Variants in SDK1 observed in about 807,000 individuals in gnomAD.
The protein encoded by SDK1 is sidekick cell adhesion molecule 1, also known as protein sidekick-1.
Under a neutral mutation model 245.5 loss-of-function variants are expected in SDK1, and 157 were observed. The ratio of observed to expected loss-of-function variants is 0.64; its 90% CI spans 0.56 to 0.73. The LOEUF is 0.73. SDK1 is among the 30% of genes least tolerant of loss of function. SDK1 has a pLI of 0.00. For synonymous variants in SDK1, 1,647 were observed against 1,278.5 expected (o/e 1.29, Z -6.15); for missense variants, 3,583 against 3,002.3 (o/e 1.19, Z -4.52).
At chr7:4,148,772 G>A (rs1309362446) in intron 29 of SDK1, among the ~76,000 whole-genome samples, 1 of 152,204 alleles carries the variant, frequency 6.6e-6, no homozygotes, top group African/African-American at 2.4e-5. Flanking sequence ...TAAGATAGCT[G>A]CTCAGCTGGG....
chr7:3,756,958 C>G (rs540741788), intron 4 of SDK1, among the ~76,000 whole-genome samples: 70 of 152,272 alleles, frequency 4.6e-4, no homozygotes, highest in African/African-American at 1.6e-3. Flanking sequence ...GGGTTTTCCA[C>G]TATAAAGTTA....
intron 1 of SDK1, among the ~76,000 whole-genome samples, chr7:3,536,953 A>G (rs575374419): frequency 9.8e-5 from 15 of 152,318 alleles, no homozygotes; most frequent in South Asian, 2.1e-4. Flanking sequence ...ATCACACATC[A>G]TTAAAAATAT....
chr7:3,991,617 C>T (rs1190261206), intron 14 of SDK1, among the ~76,000 whole-genome samples: 1 of 152,162 alleles, frequency 6.6e-6, no homozygotes, highest in East Asian at 1.9e-4. Context: ...ACGTCAGTCA[C>T]CCATATTAGC....
chr7:3,746,758 A>G (rs1261505584), intron 4 of SDK1, among the ~76,000 whole-genome samples: 3 of 152,186 alleles, frequency 2.0e-5, no homozygotes, highest in African/African-American at 4.8e-5. Flanking sequence ...TGCCGTTTCT[A>G]CCACATCTGC....
At chr7:3,621,464 C>A (rs978423306) in intron 2 of SDK1, among the ~76,000 whole-genome samples, 1 of 152,154 alleles carries the variant, frequency 6.6e-6, no homozygotes, top group Non-Finnish European at 1.5e-5. Context: ...TTTCAAAGAA[C>A]CCAGATTGTT....
intron 35 of SDK1, among the ~76,000 whole-genome samples, chr7:4,186,399 C>G (rs542673999): frequency 6.6e-6 from 1 of 152,208 alleles, no homozygotes; most frequent in African/African-American, 2.4e-5. Flanking sequence ...TCCCCAGGGT[C>G]GCTCTTTAGC....
intron 1 of SDK1, among the ~76,000 whole-genome samples, chr7:3,420,435 T>C (rs1453694590): frequency 1.3e-5 from 2 of 152,212 alleles, no homozygotes; most frequent in African/African-American, 4.8e-5. Flanking sequence ...AATAATCATT[T>C]TACTGTATAT....
intron 13 of SDK1, among the ~76,000 whole-genome samples, chr7:3,978,799 T>G (rs1291873794): frequency 6.6e-6 from 1 of 152,010 alleles, no homozygotes; most frequent in Non-Finnish European, 1.5e-5. Context: ...GACTGAGAGG[T>G]GCTTATGACT....
intron 5 of SDK1, among the ~76,000 whole-genome samples, chr7:3,857,685 T>TG (rs1376647242): frequency 1.8e-5 from 2 of 114,004 alleles, no homozygotes; most frequent in African/African-American, 5.9e-5. Flanking sequence ...AGACCCTGTC[T>TG]CAAAAAAAAA....
chr7:3,417,140 C>G (rs1455029455), intron 1 of SDK1, among the ~76,000 whole-genome samples: 2 of 152,206 alleles, frequency 1.3e-5, no homozygotes, highest in Non-Finnish European at 2.9e-5. Flanking sequence ...CGCCACTGCA[C>G]TCAAGCCTGG....
intron 40 of SDK1, among the ~76,000 whole-genome samples, chr7:4,232,392 C>CTTTTTTTT (rs1178308855): frequency 1.2e-5 from 1 of 81,786 alleles, no homozygotes; most frequent in Non-Finnish European, 2.6e-5. Context: ...TTCTTTTTTT[C>CTTTTTTTT]TTTTCTTTTC....
intron 1 of SDK1, among the ~76,000 whole-genome samples, chr7:3,377,053 C>T (rs1365336248): frequency 1.3e-5 from 2 of 152,112 alleles, no homozygotes; most frequent in Non-Finnish European, 2.9e-5. Flanking sequence ...AGCCCTGCTT[C>T]GAAAAGTTTA....
Position 3,872,247 on chromosome 7 carries a change from C to G in SDK1, c.847+50664C>G, listed in dbSNP as rs370758960. Among the ~76,000 whole-genome samples the G allele has an allele frequency of 2.3e-3, 343 of 152,172 alleles. 6 individuals are homozygous for G. In the South Asian group the frequency reaches 0.029, roughly 13 times the overall value. The stretch of plus-strand genomic sequence containing the variant: ...TTCTCTATTCATGAGAGTTATTCAT[C>G]CATAGTTACGTTTGCTTGTGATGTG... On this transcript the variant is annotated intron_variant, in intron 5 of 44. Transcript: ENST00000404826.
chr7:3,865,709 C>A (rs1204813111), intron 5 of SDK1, among the ~76,000 whole-genome samples: 1 of 150,402 alleles, frequency 6.6e-6, no homozygotes, highest in Non-Finnish European at 1.5e-5. Flanking sequence ...GAAATGAGGT[C>A]TCACTGTGTT....
chr7:3,353,934 A>G (rs1780726394), intron 1 of SDK1, among the ~76,000 whole-genome samples: 1 of 151,882 alleles, frequency 6.6e-6, no homozygotes, highest in African/African-American at 2.4e-5. Context: ...TGACTTGCTC[A>G]GGGAACACAT....
At chr7:3,349,178 G>A (rs1012348960) in intron 1 of SDK1, among the ~76,000 whole-genome samples, 4 of 127,670 alleles carry the variant, frequency 3.1e-5, no homozygotes, top group African/African-American at 1.3e-4. Context: ...GCTGCCCTGT[G>A]GTTGCAGTTT....
At chr7:4,254,282 C>G (rs1677608477) in intron 44 of SDK1, among the ~76,000 whole-genome samples, 1 of 151,964 alleles carries the variant, frequency 6.6e-6, no homozygotes, top group Non-Finnish European at 1.5e-5. Flanking sequence ...TTAGTGCTGT[C>G]TTATATTTAT....
At chr7:3,930,595 C>T (rs531875739) in intron 5 of SDK1, among the ~76,000 whole-genome samples, 2 of 152,232 alleles carry the variant, frequency 1.3e-5, no homozygotes, top group Admixed American at 6.5e-5. Context: ...TAAGCTAATT[C>T]GTAAGTGGGT....
intron 4 of SDK1, among the ~76,000 whole-genome samples, chr7:3,802,418 C>T (rs960412773): frequency 4.0e-5 from 6 of 151,876 alleles, no homozygotes; most frequent in Non-Finnish European, 5.9e-5. Flanking sequence ...ACCTGTAGTC[C>T]CAGCTACTCA....
Sources: gnomAD v4.1 joint callset for allele counts (sites outside exome capture counted in the v4.1 genomes callset) on GRCh38, gnomAD v4.1.1 for gene constraint, MANE v1.5 for transcripts, NCBI Gene and HGNC (gene_info 2026-07-23, HGNC 2026-07-21) for gene names.